The following TRAF2 variants were observed in gnomAD, a reference collection of about 807,000 sequenced individuals.
TRAF2 encodes TNF receptor associated factor 2, also known as TNF receptor-associated factor 2.
TRAF2 carries 6 observed loss-of-function variants against 55.6 expected under a neutral mutation model. The observed-to-expected ratio is 0.11, with a 90% CI of 0.06 to 0.21. The LOEUF (loss-of-function observed/expected upper bound fraction) is 0.21. Among genes scored for constraint, TRAF2 ranks in the 10% least tolerant of loss-of-function variants. The probability of loss-of-function intolerance (pLI) is 1.00; values close to 1 mark genes in which losing one functional copy is unlikely to be tolerated. For missense variants in TRAF2, 561 were observed against 684.5 expected (o/e 0.82, Z 2.01); for synonymous variants, 329 against 276.3 (o/e 1.19, Z -1.89).
intron 4 of TRAF2, among the ~76,000 whole-genome samples, chr9:136,904,153 G>T (rs1018545708): frequency 6.6e-6 from 1 of 152,038 alleles, no homozygotes; most frequent in East Asian, 1.9e-4. Flanking sequence ...TTTCTTTTCT[G>T]GCTTATTTTA....
At chr9:136,893,473 G>T (rs1419530807) in intron 1 of TRAF2, among the ~76,000 whole-genome samples, 1 of 152,220 alleles carries the variant, frequency 6.6e-6, no homozygotes, top group Non-Finnish European at 1.5e-5. Flanking sequence ...CAGGGATGAG[G>T]TCGCTGCACT....
At chr9:136,902,777 C>T (rs1419070709) in intron 4 of TRAF2, among the ~76,000 whole-genome samples, 2 of 152,180 alleles carry the variant, frequency 1.3e-5, no homozygotes, top group African/African-American at 4.8e-5. Flanking sequence ...CCCTCGGAGC[C>T]GCCTCTCTTT....
intron 1 of TRAF2, among the ~76,000 whole-genome samples, chr9:136,897,958 G>A (rs1350041741): frequency 1.5e-5 from 2 of 130,618 alleles, no homozygotes; most frequent in East Asian, 2.4e-4. Context: ...TCCCGCTCTC[G>A]GGGCTGGAGG....
chr9:136,924,097 T>C lies in TRAF2; in HGVS notation c.1287+97T>C, dbSNP rs915395739. The C allele has an allele frequency of 2.7e-6, 4 of 1,462,778 alleles. No individual in the cohort carries two copies. In the African/African-American group the frequency reaches 4.2e-5, roughly 15 times the overall value. The allele number at this position is 1,462,778 out of a possible 1,614,324, so 90.6% of individuals were successfully genotyped here. A position where few individuals can be genotyped will look rare whatever the true frequency, so the allele number is the denominator to read the frequency against. On this transcript the variant is annotated intron_variant, in intron 10 of 10. Coordinates refer to ENST00000247668, the MANE Select transcript of TRAF2 (RefSeq NM_021138.4). ...GCAGGGTTGTGCGGGACAAGGTGGCTTGGGCTCGCTGGACCAGGTGTCTGC... is the reference window on the plus strand; with the variant it reads ...GCAGGGTTGTGCGGGACAAGGTGGCCTGGGCTCGCTGGACCAGGTGTCTGC...
intron 4 of TRAF2, 134 bp from the exon 5 acceptor site, chr9:136,907,936 C>A: frequency 1.8e-6 from 2 of 1,124,330 alleles, no homozygotes; most frequent in Non-Finnish European, 2.5e-6. Context: ...TGAGAGCTAT[C>A]TGCAGAGGGC....
chr9:136,925,737 A>G lies in TRAF2; in HGVS notation c.1342A>G (p.Arg448Gly). ...NNREHVIDAF[R>G]PDVTSSSFQR... is the part of the protein sequence containing the mutation. ...CCGGGAGCACGTGATTGACGCCTTCAGGCCCGACGTGACTTCATCCTCTTT... is the reference window on the plus strand; with the variant it reads ...CCGGGAGCACGTGATTGACGCCTTCGGGCCCGACGTGACTTCATCCTCTTT... Residue 448 changes from arginine (R) to glycine (G), a missense_variant, in exon 11 of 11, where the codon AGG (arginine) becomes GGG (glycine). Around this residue, in one of 2 missense-constraint regions of TRAF2, gnomAD observed 135 missense variants for 207.7 expected, o/e 0.65. Transcript: ENST00000247668. The G allele has an allele frequency of 1.9e-6, 3 of 1,614,248 alleles. No homozygotes were observed. Among genetic ancestry groups the G allele is most frequent in the Non-Finnish European group, 2.5e-6 (3 of 1,180,052 alleles).
At position 136,908,202 on chromosome 9, in the gene TRAF2, C is replaced by T. The variant is rs1182943469; in HGVS notation, c.499C>T (p.Arg167Trp). ...GAGAAGCCTGAGCTGCCGGCATTGC[C>T]GGGCACCCTGCTGCGGAGCAGACGT... ...PERSLSCRHC[R>W]APCCGADVKA... Residue 167 changes from arginine (R) to tryptophan (W), a missense_variant, in exon 5 of 11, where the codon CGG becomes TGG. This residue lies in a region of TRAF2 where 426 missense variants were observed against 476.8 expected (regional missense o/e 0.89). Transcript: ENST00000247668. The T allele has an allele frequency of 8.8e-6, 14 of 1,598,046 alleles. No individual in the cohort carries two copies. The highest frequency in any genetic ancestry group is 6.7e-5 in the Admixed American group (4 of 59,574).
At chr9:136,904,543 C>CT (rs946963915) in intron 4 of TRAF2, among the ~76,000 whole-genome samples, 1 of 152,012 alleles carries the variant, frequency 6.6e-6, no homozygotes, top group African/African-American at 2.4e-5. Flanking sequence ...GTAGCTAGGA[C>CT]TACAGGCGCT....
intron 9 of TRAF2, among the ~76,000 whole-genome samples, chr9:136,923,335 G>A (rs1236788928): frequency 6.6e-6 from 1 of 152,182 alleles, no homozygotes; most frequent in East Asian, 1.9e-4. Flanking sequence ...TTCTGGCTGG[G>A]CACAGTGGCT....
intron 7 of TRAF2, 57 bp downstream of exon 7, chr9:136,916,672 T>G: frequency 6.5e-7 from 1 of 1,537,354 alleles, no homozygotes; most frequent in African/African-American, 1.4e-5. Context: ...TGGTCTTCAC[T>G]GCCTCCAGCC....
chr9:136,918,778 C>G (rs1169756066), intron 7 of TRAF2, among the ~76,000 whole-genome samples: 1 of 152,020 alleles, frequency 6.6e-6, no homozygotes. Flanking sequence ...CTCTGTCACC[C>G]AGGCTGGAGT....
At chr9:136,920,074 T>A (rs1315575714) in intron 7 of TRAF2, among the ~76,000 whole-genome samples, 160 bp from the exon 8 acceptor site, 1 of 152,130 alleles carries the variant, frequency 6.6e-6, no homozygotes, top group Admixed American at 6.5e-5. Flanking sequence ...CAGTCTGTCA[T>A]ACACAAGAAG....
At chr9:136,885,010 G>A (rs10781520), upstream of TRAF2, among the ~76,000 whole-genome samples, 117,504 of 152,224 alleles carry the variant, frequency 0.77, 45,732 homozygotes, top group East Asian at 0.87. Flanking sequence ...GACTTGGGAC[G>A]TTTCCATGGC....
chr9:136,882,150 C>A, upstream of TRAF2: 1 of 661,452 alleles, frequency 1.5e-6, no homozygotes. Context: ...TGGGCTCTGT[C>A]GTCCCAAGAC....
rs554208042 is a variant in TRAF2 at position 136,897,169 on chromosome 9, C to T, written c.-28-1544C>T. On this transcript the variant is annotated intron_variant, in intron 1 of 10. Coordinates refer to ENST00000247668, the MANE Select transcript of TRAF2 (RefSeq NM_021138.4). ...AGCCCAGTGGAGTCTCTGCCCGGGA[C>T]GCTGAGGGAGGAAGAGCTGCGGTTA... is the stretch of plus-strand genomic sequence containing the variant. Among the ~76,000 whole-genome samples the T allele has an allele frequency of 1.5e-4, 8 of 53,848 alleles. No homozygotes were observed. The East Asian group carries it at 4.8e-3, about 32-fold the overall frequency. The allele number at this position is 53,848 out of a possible 152,430, so 35.3% of individuals were successfully genotyped here.
intron 1 of TRAF2, among the ~76,000 whole-genome samples, chr9:136,896,369 A>T (rs1475102988): frequency 6.6e-6 from 1 of 152,194 alleles, no homozygotes; most frequent in African/African-American, 2.4e-5. Context: ...TCGGGTCCTC[A>T]TGACCGGCCC....
At chr9:136,924,300 C>T (rs1274563888) in intron 10 of TRAF2, among the ~76,000 whole-genome samples, 1 of 152,126 alleles carries the variant, frequency 6.6e-6, no homozygotes, top group African/African-American at 2.4e-5. Context: ...GTATGTATCC[C>T]TGTGATCCCA....
upstream of TRAF2, chr9:136,886,325 TC>T: frequency 1.1e-6 from 1 of 899,348 alleles, no homozygotes; most frequent in Non-Finnish European, 1.3e-6. Context: ...ACGCTGCGGC[TC>T]CTGCGGGCTC....
intron 10 of TRAF2, 65 bp downstream of exon 10, chr9:136,924,065 C>T: frequency 6.3e-7 from 1 of 1,585,870 alleles, no homozygotes; most frequent in Non-Finnish European, 8.6e-7. Flanking sequence ...AGTGCAGCTT[C>T]TGTGGTGCAG....
Sources: allele counts gnomAD v4.1 joint callset (sites outside exome capture counted in the v4.1 genomes callset), GRCh38; gene constraint gnomAD v4.1.1; regional missense constraint gnomAD v4.1.1; transcripts MANE v1.5; gene names NCBI Gene and HGNC (gene_info 2026-07-23, HGNC 2026-07-21).